The following LRP6 variants were observed in gnomAD, a reference collection of about 807,000 sequenced individuals.
LRP6 encodes the protein low-density lipoprotein receptor-related protein 6.
Under a neutral mutation model 184.1 loss-of-function variants are expected in LRP6, and 43 were observed. The observed-to-expected ratio is 0.23, with a 90% CI of 0.18 to 0.30. The LOEUF (loss-of-function observed/expected upper bound fraction) is 0.30. Among genes scored for constraint, LRP6 ranks in the 10% least tolerant of loss-of-function variants. LRP6 has a pLI of 1.00. For synonymous variants in LRP6, 719 were observed against 684.9 expected (o/e 1.05, Z -0.78); for missense variants, 1,571 against 2,005.3 (o/e 0.78, Z 4.14).
intron 1 of LRP6, among the ~76,000 whole-genome samples, chr12:12,245,459 T>C (rs1865160662): frequency 6.6e-6 from 1 of 152,156 alleles, no homozygotes; most frequent in Non-Finnish European, 1.5e-5. Flanking sequence ...GGATTAAAAA[T>C]GGGCATGAGC....
intron 22 of LRP6, among the ~76,000 whole-genome samples, chr12:12,122,042 C>T (rs1461141044): frequency 6.6e-6 from 1 of 152,080 alleles, no homozygotes; most frequent in East Asian, 1.9e-4. Context: ...AGGTAAGTAC[C>T]TCTCATAAGA....
chr12:12,235,469 C>G (rs1203659702), intron 2 of LRP6, among the ~76,000 whole-genome samples: 1 of 152,118 alleles, frequency 6.6e-6, no homozygotes, highest in Non-Finnish European at 1.5e-5. Flanking sequence ...GTGGCTCACG[C>G]CTGTAATCTC....
Position 12,142,044 on chromosome 12 carries a change from A to C in LRP6, c.3398-3510T>G, listed in dbSNP as rs896030028. Among the ~76,000 whole-genome samples, 3 of 152,320 alleles carry C rather than the reference A, an allele frequency of 2.0e-5. No homozygotes were observed. In the South Asian group the frequency reaches 6.2e-4, roughly 32 times the overall value. On this transcript the variant is annotated intron_variant, in intron 15 of 22. Transcript: ENST00000261349. ...AAAGGAAGTCAATGTTTAACGTCTA[A>C]AAGAGAAAAATCAAGAAATAGCATT...
chr12:12,177,922 G>A (rs1229955025), intron 7 of LRP6, among the ~76,000 whole-genome samples: 1 of 151,880 alleles, frequency 6.6e-6, no homozygotes, highest in African/African-American at 2.4e-5. Flanking sequence ...ACGAATGAAT[G>A]AAAAAAATTA....
chr12:12,185,817 G>A (rs1258207302), intron 4 of LRP6, among the ~76,000 whole-genome samples: 1 of 150,494 alleles, frequency 6.6e-6, no homozygotes, highest in Non-Finnish European at 1.5e-5. Flanking sequence ...TTAAAAAGAA[G>A]AGGCGTTTTT....
intron 3 of LRP6, among the ~76,000 whole-genome samples, chr12:12,187,754 AGG>A (rs1863511947): frequency 6.6e-6 from 1 of 152,182 alleles, no homozygotes; most frequent in Non-Finnish European, 1.5e-5. Context: ...CACTATATTC[AGG>A]CAGCCAAAAA....
At chr12:12,205,252 T>C (rs955742447) in intron 2 of LRP6, among the ~76,000 whole-genome samples, 2 of 145,380 alleles carry the variant, frequency 1.4e-5, no homozygotes, top group African/African-American at 5.2e-5. Flanking sequence ...AGGAGGCGGA[T>C]GTTGCCTCAG....
chr12:12,167,415 G>A (rs186520647), intron 7 of LRP6, among the ~76,000 whole-genome samples: 4 of 152,220 alleles, frequency 2.6e-5, no homozygotes, highest in East Asian at 3.9e-4. Flanking sequence ...AGGCCGAGAC[G>A]GGTGGGTCAC....
At chr12:12,143,599 A>C (rs1393159602) in intron 15 of LRP6, among the ~76,000 whole-genome samples, 1 of 152,214 alleles carries the variant, frequency 6.6e-6, no homozygotes, top group East Asian at 1.9e-4. Flanking sequence ...CACCTCATTT[A>C]TGACCAAGGT....
rs145601432 is a variant in LRP6, at chr12:12,170,144, G to C, written c.1546-4849C>G. On this transcript the variant is annotated intron_variant, in intron 7 of 22. Transcript: ENST00000261349. ...GAGGCCAGGAGTTCAAGACCAGCCT[G>C]GCCAACATGGTGAAGCCCCCTCTCT... 3.2e-4 allele frequency among the ~76,000 whole-genome samples: 49 copies of C among 152,262 alleles called. 1 individual carries two copies. In the East Asian group the frequency reaches 8.3e-3, roughly 26 times the overall value.
At chr12:12,266,372 A>G (rs1002625736) in intron 1 of LRP6, among the ~76,000 whole-genome samples, 2 of 152,144 alleles carry the variant, frequency 1.3e-5, no homozygotes, top group South Asian at 4.1e-4. Context: ...CCAGGCAGAG[A>G]GAGGCACACA....
In LRP6 at chr12:12,250,610, A is replaced by G. The variant is rs1455121413; in HGVS notation, c.56-5955T>C. On this transcript the variant is annotated intron_variant, in intron 1 of 22. Transcript: ENST00000261349. ...CACTGCACACAGAAATATCATATAC[A>G]TATTTACTAATATTTTGGGGGTTTT... Among the ~76,000 whole-genome samples the G allele has an allele frequency of 4.6e-5, 7 of 152,020 alleles. 1 individual carries two copies. The highest frequency in any genetic ancestry group is 4.6e-4 in the Admixed American group (7 of 15,262).
chr12:12,232,585 G>A (rs1301860720), intron 2 of LRP6, among the ~76,000 whole-genome samples: 2 of 61,548 alleles, frequency 3.2e-5, no homozygotes, highest in Non-Finnish European at 8.7e-5. Context: ...TCCAGCAGGT[G>A]CAAAAAAAAA....
chr12:12,233,819 T>C (rs554819560), intron 2 of LRP6, among the ~76,000 whole-genome samples: 1 of 152,064 alleles, frequency 6.6e-6, no homozygotes, highest in Non-Finnish European at 1.5e-5. Flanking sequence ...ACAAGTGAGA[T>C]ATCGATGTGT....
chr12:12,226,415 A>C (rs1469205059), intron 2 of LRP6, among the ~76,000 whole-genome samples: 7 of 152,244 alleles, frequency 4.6e-5, no homozygotes, highest in African/African-American at 1.7e-4. Context: ...ACTATGATTC[A>C]TATGCTAAGG....
chr12:12,263,948 G>A (rs1013179535), intron 1 of LRP6, among the ~76,000 whole-genome samples: 1 of 151,966 alleles, frequency 6.6e-6, no homozygotes, highest in African/African-American at 2.4e-5. Flanking sequence ...GACCAGCCTG[G>A]GCAACATATC....
At chr12:12,162,998 CAG>C (rs1862776365) in intron 9 of LRP6, among the ~76,000 whole-genome samples, 1 of 152,114 alleles carries the variant, frequency 6.6e-6, no homozygotes, top group South Asian at 2.1e-4. Context: ...GTTTTTGAGA[CAG>C]AGTCTCACTC....
At chr12:12,201,589 T>TG (rs892126566) in intron 3 of LRP6, among the ~76,000 whole-genome samples, 15 of 152,188 alleles carry the variant, frequency 9.9e-5, no homozygotes, top group African/African-American at 3.6e-4. Context: ...GTTGGTGGTT[T>TG]GCCCTTATCT....
At chr12:12,161,336 C>T (rs1020829547) in intron 10 of LRP6, among the ~76,000 whole-genome samples, 3 of 152,032 alleles carry the variant, frequency 2.0e-5, no homozygotes, top group Admixed American at 6.5e-5. Flanking sequence ...GGCACGATCT[C>T]GGCTCACTGC....
Sources: allele counts gnomAD v4.1 joint callset (sites outside exome capture counted in the v4.1 genomes callset), GRCh38; gene constraint gnomAD v4.1.1; transcripts MANE v1.5; gene names NCBI Gene and HGNC (gene_info 2026-07-23, HGNC 2026-07-21).